ASCC3: variants seen among roughly 807,000 people sequenced by gnomAD.
ASCC3 encodes activating signal cointegrator 1 complex subunit 3.
ASCC3 carries 158 observed loss-of-function variants against 256.3 expected under a neutral mutation model. That is an observed-to-expected ratio of 0.62 (90% CI 0.54 to 0.70). ASCC3 has a LOEUF of 0.70. Ranked by LOEUF, ASCC3 falls within the 30% of genes least tolerant of loss-of-function variation. ASCC3 has a pLI of 0.00. For missense variants in ASCC3, 2,259 were observed against 2,626.0 expected (o/e 0.86, Z 3.05); for synonymous variants, 948 against 883.4 (o/e 1.07, Z -1.30).
chr6:100,863,148 T>C (rs942472838), intron 3 of ASCC3, among the ~76,000 whole-genome samples: 2 of 152,230 alleles, frequency 1.3e-5, no homozygotes, highest in Non-Finnish European at 2.9e-5. Context: ...GTGTTAATTA[T>C]GCTTTTTAGT....
At chr6:100,858,129 ATAAAT>A (rs67936868) in intron 3 of ASCC3, 113,202 of 414,804 alleles carry the variant, frequency 0.27, 16,399 homozygotes, top group Middle Eastern at 0.31. Context: ...TAAACGTAAA[ATAAAT>A]TAAAATTTTA....
At chr6:100,670,112 G>A (rs1776669359) in intron 14 of ASCC3, among the ~76,000 whole-genome samples, 3 of 151,766 alleles carry the variant, frequency 2.0e-5, no homozygotes, top group Admixed American at 2.0e-4. Context: ...CCAAGATTAT[G>A]AACAATTTAA....
intron 39 of ASCC3, 58 bp from the exon 40 acceptor site, chr6:100,512,976 A>C: frequency 6.8e-7 from 1 of 1,465,276 alleles, no homozygotes. Context: ...TGCAATGATC[A>C]ATTAAGAAAT....
At chr6:100,634,673 A>G (rs1364411951) in intron 25 of ASCC3, among the ~76,000 whole-genome samples, 1 of 152,124 alleles carries the variant, frequency 6.6e-6, no homozygotes, top group Non-Finnish European at 1.5e-5. Flanking sequence ...AAGGAAATGC[A>G]AATTAAAATC....
intron 4 of ASCC3, among the ~76,000 whole-genome samples, chr6:100,817,928 C>T (rs1770832777): frequency 6.6e-6 from 1 of 152,058 alleles, no homozygotes; most frequent in Non-Finnish European, 1.5e-5. Flanking sequence ...TACTCTGACA[C>T]CAAAATCAGA....
chr6:100,767,669 C>A (rs773717712), intron 8 of ASCC3, among the ~76,000 whole-genome samples: 1 of 151,942 alleles, frequency 6.6e-6, no homozygotes, highest in African/African-American at 2.4e-5. Flanking sequence ...AGTGCACTGG[C>A]GTGATCTCGG....
chr6:100,638,379 T>C (rs1774947431), intron 25 of ASCC3, among the ~76,000 whole-genome samples: 1 of 152,196 alleles, frequency 6.6e-6, no homozygotes, highest in South Asian at 2.1e-4. Context: ...ATCCAAAAAA[T>C]TTGTATGACT....
chr6:100,510,170 T>A (rs1773694149), intron 40 of ASCC3, 63 bp from the exon 41 acceptor site: 1 of 1,567,230 alleles, frequency 6.4e-7, no homozygotes, highest in African/African-American at 1.4e-5. Context: ...CACTTGGTTG[T>A]GGTTAAGGCT....
chr6:100,781,576 G>C (rs963392694), intron 8 of ASCC3, among the ~76,000 whole-genome samples: 1 of 146,418 alleles, frequency 6.8e-6, no homozygotes, highest in African/African-American at 2.5e-5. Flanking sequence ...TTTTAGTAGA[G>C]ACACGGTTTC....
At chr6:100,684,802 CTTTTTT>C (rs34237443) in intron 13 of ASCC3, among the ~76,000 whole-genome samples, 4 of 94,718 alleles carry the variant, frequency 4.2e-5, no homozygotes, top group Non-Finnish European at 6.1e-5. Flanking sequence ...GAATCAAACT[CTTTTTT>C]TTTTTTTTTT....
At position 100,662,036 on chromosome 6, in the gene ASCC3, T is replaced by C; in HGVS notation, c.2479-6A>G. ...GCAGCATATATTTGTGTTCCCTAGATGAGGAAAAGTTAACAAAAATTTACA... is the reference window on the plus strand; with the variant it reads ...GCAGCATATATTTGTGTTCCCTAGACGAGGAAAAGTTAACAAAAATTTACA... On this transcript the variant is annotated splice_polypyrimidine_tract_variant and splice_region_variant and intron_variant, in intron 15 of 41. Transcript: ENST00000369162. 3 of 1,612,102 alleles carry C rather than the reference T, an allele frequency of 1.9e-6. No individual in the cohort carries two copies. Among genetic ancestry groups the C allele is most frequent in the Non-Finnish European group, 1.7e-6 (2 of 1,178,750 alleles).
chr6:100,589,884 AG>A (rs1771909948), intron 35 of ASCC3, 63 bp downstream of exon 35: 1 of 1,592,156 alleles, frequency 6.3e-7, no homozygotes, highest in African/African-American at 1.3e-5. Context: ...TAGTATTAAA[AG>A]CAAAAGACCT....
chr6:100,762,592 AT>A (rs1246650587), intron 10 of ASCC3, among the ~76,000 whole-genome samples: 1 of 152,236 alleles, frequency 6.6e-6, no homozygotes, highest in African/African-American at 2.4e-5. Context: ...CCAAAAAGGT[AT>A]TTGTTGTCTA....
At chr6:100,744,144 A>G (rs1260415733) in intron 10 of ASCC3, among the ~76,000 whole-genome samples, 1 of 149,264 alleles carries the variant, frequency 6.7e-6, no homozygotes, top group Non-Finnish European at 1.5e-5. Flanking sequence ...AAGCTGAAAC[A>G]AATCCTTTTG....
chr6:100,856,338 T>C (rs1772938859), intron 3 of ASCC3: 4 of 921,820 alleles, frequency 4.3e-6, no homozygotes, highest in Non-Finnish European at 5.2e-6. Flanking sequence ...ATACTTATGA[T>C]ACTGTTTACC....
chr6:100,633,031 A>G (rs1336579603), intron 25 of ASCC3, among the ~76,000 whole-genome samples: 2 of 152,184 alleles, frequency 1.3e-5, no homozygotes. Context: ...TGTGAAATGA[A>G]AGAAATGACA....
At chr6:100,591,513 G>A (rs1771997187) in intron 34 of ASCC3, among the ~76,000 whole-genome samples, 1 of 151,866 alleles carries the variant, frequency 6.6e-6, no homozygotes, top group Non-Finnish European at 1.5e-5. Flanking sequence ...ATTTTTAGCT[G>A]TCAGGACTAA....
intron 4 of ASCC3, among the ~76,000 whole-genome samples, chr6:100,825,843 T>G (rs910872935): frequency 1.3e-5 from 2 of 151,974 alleles, no homozygotes; most frequent in African/African-American, 4.8e-5. Context: ...TCACTTTATT[T>G]CATTAAGTTA....
intron 36 of ASCC3, among the ~76,000 whole-genome samples, chr6:100,562,925 C>T (rs1223190685): frequency 6.6e-6 from 1 of 151,786 alleles, no homozygotes; most frequent in Admixed American, 6.6e-5. Context: ...TTTTTGAATC[C>T]CTGACAATTT....
Sources: allele counts gnomAD v4.1 joint callset (sites outside exome capture counted in the v4.1 genomes callset), GRCh38; gene constraint gnomAD v4.1.1; transcripts MANE v1.5; gene names NCBI Gene and HGNC (gene_info 2026-07-23, HGNC 2026-07-21).